The following SLC4A4 variants were observed in gnomAD, a reference collection of about 807,000 sequenced individuals.
SLC4A4 encodes the protein electrogenic sodium bicarbonate cotransporter 1.
In SLC4A4, 27 loss-of-function variants were observed where a neutral mutation model predicts 111.5. The observed-to-expected ratio is 0.24, with a 90% CI of 0.18 to 0.33. The LOEUF (loss-of-function observed/expected upper bound fraction) is 0.33. Among genes scored for constraint, SLC4A4 ranks in the 10% least tolerant of loss-of-function variants. SLC4A4 has a pLI of 1.00. For synonymous variants in SLC4A4, 443 were observed against 463.4 expected (o/e 0.96, Z 0.57); for missense variants, 909 against 1,315.5 (o/e 0.69, Z 4.78).
At chr4:71,544,171 C>T (rs1735304479) in intron 18 of SLC4A4, among the ~76,000 whole-genome samples, 1 of 151,896 alleles carries the variant, frequency 6.6e-6, no homozygotes, top group Non-Finnish European at 1.5e-5. Context: ...AGCAGGGAAA[C>T]ATAAAGGAGG....
intron 1 of SLC4A4, among the ~76,000 whole-genome samples, chr4:71,207,172 A>G (rs1406225190): frequency 3.9e-5 from 6 of 152,230 alleles, no homozygotes; most frequent in African/African-American, 1.4e-4. Context: ...TAGATAAGAT[A>G]CTGGCAGCTG....
intron 16 of SLC4A4, among the ~76,000 whole-genome samples, chr4:71,498,777 G>A (rs1313502212): frequency 6.6e-6 from 1 of 152,130 alleles, no homozygotes; most frequent in East Asian, 1.9e-4. Context: ...GGCATTACAA[G>A]CTGGTGATCC....
At chr4:71,529,061 G>T (rs372950057) in intron 16 of SLC4A4, among the ~76,000 whole-genome samples, 1 of 151,996 alleles carries the variant, frequency 6.6e-6, no homozygotes, top group South Asian at 2.1e-4. Context: ...GTTAATGTGG[G>T]TAATCAAACA....
Position 71,568,835 on chromosome 4 carries a change from T to G in SLC4A4, c.*1084T>G, listed in dbSNP as rs1206025080. The G allele has an allele frequency of 6.6e-6, 1 of 152,110 alleles. No individual in the cohort carries two copies. Among genetic ancestry groups the G allele is most frequent in the Non-Finnish European group, 1.5e-5 (1 of 67,798 alleles). The allele number at this position is 152,110 out of a possible 1,614,324, so 9.4% of individuals were successfully genotyped here. The stretch of plus-strand genomic sequence containing the variant: ...AAGATCAGATTAAAAACACCATGTT[T>G]CTAAGCATCCATTTTTCCCTTTCTT... On this transcript the variant is annotated 3_prime_UTR_variant, in exon 26 of 26. Transcript: ENST00000264485.
At chr4:71,382,941 T>C (rs1057050282) in intron 6 of SLC4A4, among the ~76,000 whole-genome samples, 1 of 152,200 alleles carries the variant, frequency 6.6e-6, no homozygotes, top group Non-Finnish European at 1.5e-5. Flanking sequence ...TTCTTTCTCA[T>C]TCTTTGCTTT....
chr4:71,555,113 A>C, intron 20 of SLC4A4, 27 bp from the exon 21 acceptor site: 5 of 1,492,948 alleles, frequency 3.3e-6, no homozygotes, highest in Non-Finnish European at 4.7e-6. Context: ...TATCATTTTT[A>C]AGTTGTATCC....
chr4:71,114,748 C>G (rs1368912370), intron 2 of SLC4A4, among the ~76,000 whole-genome samples: 1 of 137,126 alleles, frequency 7.3e-6, no homozygotes, highest in Non-Finnish European at 1.6e-5. Flanking sequence ...GGACTGTAAA[C>G]TAGTTCAACC....
At chr4:71,266,450 C>G (rs1292641814) in intron 3 of SLC4A4, among the ~76,000 whole-genome samples, 2 of 152,244 alleles carry the variant, frequency 1.3e-5, no homozygotes, top group Admixed American at 6.5e-5. Flanking sequence ...AATTGTGCAG[C>G]TTTTTGAGTA....
Position 71,120,231 on chromosome 4 carries a change from A to G in SLC4A4, c.-2+27439A>G, listed in dbSNP as rs927844831. Among the ~76,000 whole-genome samples, 7 of 152,328 alleles carry G rather than the reference A, an allele frequency of 4.6e-5. No homozygotes were observed. The East Asian group carries it at 1.4e-3, about 29-fold the overall frequency. On this transcript the variant is annotated intron_variant, in intron 2 of 26. Transcript: ENST00000649996. ...GGTGCAAAATTAAGGTGCCGCCTCT[A>G]GAGAAGTTTTGTATTGCTTCTGTCA...
At chr4:71,552,028 C>T (rs937502248) in intron 20 of SLC4A4, among the ~76,000 whole-genome samples, 1 of 151,860 alleles carries the variant, frequency 6.6e-6, no homozygotes, top group African/African-American at 2.4e-5. Context: ...CCATTTTCCA[C>T]CCTGACCACT....
chr4:71,569,376 CA>C lies in SLC4A4; in HGVS notation c.*1627del, dbSNP rs1560633206. The C allele has an allele frequency of 6.6e-6, 1 of 151,512 alleles. No homozygotes were observed. Among genetic ancestry groups the C allele is most frequent in the African/African-American group, 2.4e-5 (1 of 41,328 alleles). The allele number at this position is 151,512 out of a possible 1,614,324, so 9.4% of individuals were successfully genotyped here. ...AGTACAGTGTAACAGTACTCTCATG[CA>C]ATTTTTTTCAGGATGCAAAGGCAAT... On this transcript the variant is annotated 3_prime_UTR_variant, in exon 26 of 26. Coordinates refer to ENST00000264485, the MANE Select transcript of SLC4A4 (RefSeq NM_001098484.3).
intron 6 of SLC4A4, among the ~76,000 whole-genome samples, chr4:71,379,596 A>G (rs191253097): frequency 5.9e-5 from 9 of 152,220 alleles, no homozygotes; most frequent in African/African-American, 2.2e-4. Flanking sequence ...ATCATTATAC[A>G]ATAATACAAA....
intron 1 of SLC4A4, among the ~76,000 whole-genome samples, chr4:71,092,108 A>G (rs1018008365): frequency 6.6e-6 from 1 of 152,230 alleles, no homozygotes; most frequent in Non-Finnish European, 1.5e-5. Flanking sequence ...CTACTCAGTA[A>G]GTATGTAACT....
chr4:71,132,130 T>A (rs1743722193), intron 2 of SLC4A4, among the ~76,000 whole-genome samples: 1 of 152,194 alleles, frequency 6.6e-6, no homozygotes, highest in Non-Finnish European at 1.5e-5. Flanking sequence ...AAAAAGTGAA[T>A]TTCTTTATAA....
intron 3 of SLC4A4, chr4:71,301,279 C>T (rs1725234942): frequency 8.0e-6 from 2 of 250,332 alleles, no homozygotes; most frequent in Non-Finnish European, 1.6e-5. Context: ...GGAGCCACCT[C>T]CCAGTAGGGA....
chr4:71,263,576 A>G (rs544304067), intron 3 of SLC4A4, among the ~76,000 whole-genome samples: 1 of 152,226 alleles, frequency 6.6e-6, no homozygotes. Context: ...TGGTTAAGAA[A>G]ATGCTGTCCC....
At chr4:71,553,161 T>G (rs1736182795) in intron 20 of SLC4A4, among the ~76,000 whole-genome samples, 1 of 151,920 alleles carries the variant, frequency 6.6e-6, no homozygotes, top group Admixed American at 6.6e-5. Context: ...GTCAACTTAA[T>G]AGCCTTCTTT....
intron 1 of SLC4A4, among the ~76,000 whole-genome samples, chr4:71,229,877 C>A (rs1034304468): frequency 2.0e-5 from 2 of 100,028 alleles, no homozygotes; most frequent in Non-Finnish European, 3.9e-5. Context: ...GCAGCTTTTT[C>A]TTGCCCTTTG....
At chr4:71,542,920 A>G (rs540965391) in intron 18 of SLC4A4, among the ~76,000 whole-genome samples, 1 of 152,224 alleles carries the variant, frequency 6.6e-6, no homozygotes, top group South Asian at 2.1e-4. Flanking sequence ...TCAAACATTT[A>G]TCTATAGTAT....
Sources: allele counts gnomAD v4.1 joint callset (sites outside exome capture counted in the v4.1 genomes callset), GRCh38; gene constraint gnomAD v4.1.1; transcripts MANE v1.5; gene names NCBI Gene and HGNC (gene_info 2026-07-23, HGNC 2026-07-21).